Variants in PICK1 observed in about 807,000 individuals in gnomAD.
PICK1 encodes the protein PRKCA-binding protein.
A neutral mutation model predicts 48.9 loss-of-function variants in PICK1; 23 were observed. That is an observed-to-expected ratio of 0.47 (90% CI 0.34 to 0.67). The LOEUF (loss-of-function observed/expected upper bound fraction) is 0.67. PICK1 is among the 30% of genes least tolerant of loss of function. PICK1 has a pLI of 0.01. For missense variants in PICK1, 423 were observed against 557.1 expected (o/e 0.76, Z 2.42); for synonymous variants, 217 against 228.2 (o/e 0.95, Z 0.44).
intron 3 of PICK1, among the ~76,000 whole-genome samples, chr22:38,062,497 C>T (rs975997699): frequency 1.3e-5 from 2 of 152,190 alleles, no homozygotes; most frequent in Non-Finnish European, 2.9e-5. Flanking sequence ...ATCCACCTGC[C>T]TCGACCTCCC....
intron 3 of PICK1, among the ~76,000 whole-genome samples, chr22:38,060,116 T>G (rs932610722): frequency 1.3e-5 from 2 of 152,108 alleles, no homozygotes; most frequent in Non-Finnish European, 2.9e-5. Flanking sequence ...GAGGCTGAAG[T>G]AGGAGAATCG....
In PICK1 at chr22:38,074,423, G is replaced by A. The variant is rs756110981; in HGVS notation, c.951G>A (p.Glu317=). 2.5e-6 allele frequency: 4 copies of A among 1,613,108 alleles called. No homozygotes were observed. The African/African-American group carries it at 5.3e-5, about 22-fold the overall frequency. ...RFSQMRKDVL[E]KMELLDQKHV... is the part of the protein sequence containing the mutation. The stretch of plus-strand genomic sequence containing the variant: ...CCCAGATGCGCAAGGATGTGCTGGA[G>A]AAGATGGAGCTGCTGGACCAGAAGC... Residue 317 remains glutamate (E), a synonymous_variant, in exon 12 of 13, where the codon GAG becomes GAA. Transcript: ENST00000356976. The surrounding 1 kb of genome is among the most constrained non-coding windows in gnomAD (Gnocchi z 4.5).
In PICK1 at chr22:38,074,060, C is replaced by T; in HGVS notation, c.834+237C>T. 1.6e-6 allele frequency: 1 copy of T among 631,146 alleles called. No homozygotes were observed. Among genetic ancestry groups the T allele is most frequent in the Non-Finnish European group, 2.8e-6 (1 of 361,896 alleles). 39.1% of individuals were successfully genotyped at this position (631,146 alleles called of 1,614,324 possible). On this transcript the variant is annotated intron_variant, in intron 11 of 12. Coordinates refer to ENST00000356976, the MANE Select transcript of PICK1 (RefSeq NM_012407.4). The surrounding 1 kb of genome is among the most constrained non-coding windows in gnomAD (Gnocchi z 4.5). ...GAGGGAAATCGGATTTTCTTCACTC[C>T]TATGAGGCGCTTTTAAGTGTTTGAT...
chr22:38,061,139 C>T (rs2085390835), intron 3 of PICK1, among the ~76,000 whole-genome samples: 1 of 152,050 alleles, frequency 6.6e-6, no homozygotes, highest in African/African-American at 2.4e-5. Flanking sequence ...GTGAAAACTT[C>T]CAGACAAGCT....
chr22:38,062,490 C>T (rs1027475328), intron 3 of PICK1, among the ~76,000 whole-genome samples: 1 of 152,144 alleles, frequency 6.6e-6, no homozygotes, highest in Non-Finnish European at 1.5e-5. Flanking sequence ...TCAAGTGATC[C>T]ACCTGCCTCG....
chr22:38,075,050 ACACGGCAG>A lies in PICK1; in HGVS notation c.1168_1175del (p.Thr390TrpfsTer22). 1 of 1,613,230 alleles carries A rather than the reference ACACGGCAG, an allele frequency of 6.2e-7. No individual in the cohort carries two copies. The highest frequency in any genetic ancestry group is 8.5e-7 in the Non-Finnish European group (1 of 1,179,994). ...GGGGAGGAGGAGGAGGAGGAGGAAG[ACACGGCAG>A]CTGGGGAGCCGTCCAGGGATACACG... On this transcript the variant is annotated frameshift_variant, in exon 13 of 13. Transcript: ENST00000356976. LOFTEE classifies it high-confidence loss of function.
Position 38,073,131 on chromosome 22 carries a change from C to A in PICK1, c.783+39C>A. 7.4e-7 allele frequency: 1 copy of A among 1,355,580 alleles called. No homozygotes were observed. The allele number at this position is 1,355,580 out of a possible 1,614,324, so 84.0% of individuals were successfully genotyped here. The stretch of plus-strand genomic sequence containing the variant: ...GTGCCCAGGCTGCTAGGGCAAGCGC[C>A]CACCCTGGAGATCTGCCCCACTTCA... On this transcript the variant is annotated intron_variant, in intron 10 of 12. Coordinates refer to ENST00000356976, the MANE Select transcript of PICK1 (RefSeq NM_012407.4). The surrounding 1 kb of genome is among the most constrained non-coding windows in gnomAD (Gnocchi z 5.7).
intron 4 of PICK1, 77 bp from the exon 5 acceptor site, chr22:38,067,627 G>T: frequency 7.5e-7 from 1 of 1,334,080 alleles, no homozygotes; most frequent in South Asian, 1.2e-5. Flanking sequence ...AGGAGTCTCA[G>T]TCCAGAACAG....
intron 3 of PICK1, among the ~76,000 whole-genome samples, chr22:38,060,115 G>C (rs2085363627): frequency 6.6e-6 from 1 of 152,230 alleles, no homozygotes; most frequent in Non-Finnish European, 1.5e-5. Flanking sequence ...GGAGGCTGAA[G>C]TAGGAGAATC....
Position 38,066,307 on chromosome 22 carries a change from G to T in PICK1, c.282+1177G>T, listed in dbSNP as rs575768160. On this transcript the variant is annotated intron_variant, in intron 4 of 12. Coordinates refer to ENST00000356976, the MANE Select transcript of PICK1 (RefSeq NM_012407.4). The surrounding 1 kb of genome is among the most constrained non-coding windows in gnomAD (Gnocchi z 4.1). ...CAGGGGGTCTCGTTCTGGCCGAGTT[G>T]GGTTGTGTGTGCCCCATTTGGCAGC... 5.3e-5 allele frequency among the ~76,000 whole-genome samples: 8 copies of T among 152,300 alleles called. No homozygotes were observed. The highest frequency in any genetic ancestry group is 3.3e-4 in the Admixed American group (5 of 15,306).
rs1011825290 is a variant in PICK1, at chr22:38,066,282, C to T, written c.282+1152C>T. Among the ~76,000 whole-genome samples the T allele has an allele frequency of 6.6e-6, 1 of 152,206 alleles. No individual in the cohort carries two copies. Among genetic ancestry groups the T allele is most frequent in the African/African-American group, 2.4e-5 (1 of 41,456 alleles). The stretch of plus-strand genomic sequence containing the variant: ...GAGGAGCTGATCATGGGAACAGGTG[C>T]AGGGGGTCTCGTTCTGGCCGAGTTG... On this transcript the variant is annotated intron_variant, in intron 4 of 12. Coordinates refer to ENST00000356976, the MANE Select transcript of PICK1 (RefSeq NM_012407.4). This position sits in a 1 kb window ranked among gnomAD's most constrained non-coding sequence, Gnocchi z 4.1.
intron 7 of PICK1, 104 bp from the exon 8 acceptor site, chr22:38,071,578 C>A (rs2085694170): frequency 2.0e-6 from 2 of 1,006,068 alleles, no homozygotes; most frequent in Admixed American, 3.4e-5. Flanking sequence ...TGTATCAGGG[C>A]CTAGCAGAGG....
rs202006345 is a variant in PICK1, at chr22:38,072,610, G to A, written c.690G>A (p.Pro230=). The A allele has an allele frequency of 1.6e-4, 252 of 1,613,112 alleles. No individual in the cohort carries two copies. Among genetic ancestry groups the A allele is most frequent in the Middle Eastern group, 1.6e-4 (1 of 6,062 alleles). Reference sequence around the variant, plus strand: ...TTCGGCTTCTGAAAACCATCAAGCCGGTAGGTCCTATTGAGCATGTGTGTG... The same window carrying A: ...TTCGGCTTCTGAAAACCATCAAGCCAGTAGGTCCTATTGAGCATGTGTGTG... ...FGIRLLKTIK[P]MLTDLNTYLN... is the part of the protein sequence containing the mutation. Residue 230 remains proline (P), a splice_region_variant and synonymous_variant, in exon 9 of 13, where the codon CCG becomes CCA. Transcript: ENST00000356976.
chr22:38,068,992 G>A, intron 5 of PICK1, 41 bp from the exon 6 acceptor site: 2 of 1,538,658 alleles, frequency 1.3e-6, no homozygotes, highest in Middle Eastern at 3.4e-4. Flanking sequence ...GATGGCCTCT[G>A]GGCAGCCACA....
Position 38,073,856 on chromosome 22 carries a change from T to C in PICK1, c.834+33T>C, listed in dbSNP as rs2085762274. 6.3e-7 allele frequency: 1 copy of C among 1,595,644 alleles called. No individual in the cohort carries two copies. On this transcript the variant is annotated intron_variant, in intron 11 of 12. Transcript: ENST00000356976. This position sits in a 1 kb window ranked among gnomAD's most constrained non-coding sequence, Gnocchi z 5.7. ...TTGGAGGGGGTGGGGGGCTTGTACT[T>C]CCCCCCACCTGGTCTGCCAGGGATA... is the stretch of plus-strand genomic sequence containing the variant.
chr22:38,072,391 C>T, intron 8 of PICK1, 86 bp from the exon 9 acceptor site: 1 of 1,527,046 alleles, frequency 6.5e-7, no homozygotes, highest in Non-Finnish European at 8.9e-7. Flanking sequence ...CCTGCCAGGC[C>T]CCCTGCCCTG....
At chr22:38,069,152 CG>C in intron 6 of PICK1, 30 bp downstream of exon 6, 1 of 1,527,700 alleles carries the variant, frequency 6.5e-7, no homozygotes, top group Non-Finnish European at 9.0e-7. Flanking sequence ...GCTGGGGCCC[CG>C]GGGACTCAAG....
rs745323732 is a variant in PICK1 at position 38,074,872 on chromosome 22, A to G, written c.988A>G (p.Ile330Val). The change falls in exon 13 of 13, where the codon ATC becomes GTC. Residue 330 changes from isoleucine (I) to valine (V), a missense_variant. Around this residue, in one of 2 missense-constraint regions of PICK1, gnomAD observed 144 missense variants for 139.3 expected, o/e 1.03. Transcript: ENST00000356976. The surrounding 1 kb of genome is among the most constrained non-coding windows in gnomAD (Gnocchi z 4.5). Reference sequence around the variant, plus strand: ...CCGACCTCCCACCCCAGTCCAGGACATCGTGTTCCAGCTGCAGCGCCTCGT... The same window carrying G: ...CCGACCTCCCACCCCAGTCCAGGACGTCGTGTTCCAGCTGCAGCGCCTCGT... ...ELLDQKHVQD[I>V]VFQLQRLVST... 4 of 1,612,226 alleles carry G rather than the reference A, an allele frequency of 2.5e-6. No homozygotes were observed. The highest frequency in any genetic ancestry group is 3.3e-5 in the Admixed American group (2 of 60,020).
Position 38,064,999 on chromosome 22 carries a change from C to G in PICK1, c.154-3C>G. The G allele has an allele frequency of 1.9e-6, 3 of 1,614,004 alleles. No individual in the cohort carries two copies. The highest frequency in any genetic ancestry group is 2.5e-6 in the Non-Finnish European group (3 of 1,179,948). On this transcript the variant is annotated splice_region_variant and splice_polypyrimidine_tract_variant and intron_variant, in intron 3 of 12. Transcript: ENST00000356976. The stretch of plus-strand genomic sequence containing the variant: ...CCCCACCACTCTCCTTATGCACCCA[C>G]AGGTATTTGACAACACCCCAGCAGC...
Sources: allele counts gnomAD v4.1 joint callset (sites outside exome capture counted in the v4.1 genomes callset), GRCh38; gene constraint gnomAD v4.1.1; regional missense constraint gnomAD v4.1.1; non-coding constraint Gnocchi (gnomAD v3.1); transcripts MANE v1.5; gene names NCBI Gene and HGNC (gene_info 2026-07-23, HGNC 2026-07-21).